GHR: variants seen among roughly 807,000 people sequenced by gnomAD.
GHR encodes GH receptor.
In GHR, 35 loss-of-function variants were observed where a neutral mutation model predicts 67.1. The observed-to-expected ratio is 0.52, with a 90% CI of 0.40 to 0.69. The LOEUF (loss-of-function observed/expected upper bound fraction) is 0.69. Ranked by LOEUF, GHR falls within the 30% of genes least tolerant of loss-of-function variation. The pLI, the probability that GHR is intolerant of heterozygous loss-of-function variation, is 0.00. For synonymous variants in GHR, 272 were observed against 269.1 expected, an observed-to-expected ratio of 1.01 and a Z score of -0.10; for missense variants, 792 against 764.6, an observed-to-expected ratio of 1.04 and a Z score of -0.42.
At chr5:42,572,576 G>A (rs567837746) in intron 2 of GHR, among the ~76,000 whole-genome samples, 44 of 152,304 alleles carry the variant, frequency 2.9e-4, no homozygotes, top group African/African-American at 1.1e-3. Flanking sequence ...CAGACCAGGA[G>A]GCCTTGGGGC....
chr5:42,554,325 C>G (rs1196113703), intron 1 of GHR, among the ~76,000 whole-genome samples: 2 of 151,012 alleles, frequency 1.3e-5, no homozygotes, highest in Non-Finnish European at 2.9e-5. Flanking sequence ...TAGTAACAGA[C>G]AGAAGTTCTG....
intron 1 of GHR, among the ~76,000 whole-genome samples, chr5:42,504,063 C>T (rs964031168): frequency 6.6e-6 from 1 of 152,080 alleles, no homozygotes; most frequent in Non-Finnish European, 1.5e-5. Context: ...AAGTGTCAGA[C>T]CCATAGCCCT....
At chr5:42,661,093 A>G (rs969170332) in intron 3 of GHR, among the ~76,000 whole-genome samples, 7 of 152,230 alleles carry the variant, frequency 4.6e-5, no homozygotes, top group African/African-American at 1.7e-4. Context: ...TCCAAGAAAT[A>G]TGGGACTATG....
intron 2 of GHR, among the ~76,000 whole-genome samples, chr5:42,602,286 C>G (rs527818750): frequency 6.6e-6 from 1 of 152,138 alleles, no homozygotes; most frequent in African/African-American, 2.4e-5. Flanking sequence ...TCCTTCATAA[C>G]TGCTACTTTG....
intron 1 of GHR, among the ~76,000 whole-genome samples, chr5:42,437,983 A>G (rs888903084): frequency 1.3e-5 from 2 of 152,172 alleles, no homozygotes; most frequent in Admixed American, 1.3e-4. Context: ...CTAGAGAAAA[A>G]AAAATCGCAT....
chr5:42,494,680 TC>T (rs1746248049), intron 1 of GHR, among the ~76,000 whole-genome samples: 1 of 152,142 alleles, frequency 6.6e-6, no homozygotes. Flanking sequence ...AAAGTGTACT[TC>T]CTGAATACAT....
chr5:42,683,389 A>G (rs1393436050), intron 3 of GHR, among the ~76,000 whole-genome samples: 1 of 152,196 alleles, frequency 6.6e-6, no homozygotes, highest in African/African-American at 2.4e-5. Context: ...TATGGTTCTC[A>G]CCACACAGCA....
chr5:42,651,820 C>T (rs1415164406), intron 3 of GHR, among the ~76,000 whole-genome samples: 7 of 152,072 alleles, frequency 4.6e-5, no homozygotes, highest in Admixed American at 4.6e-4. Context: ...ATTCACCTCA[C>T]TCTCGAGTTA....
chr5:42,583,524 G>A (rs1289205771), intron 2 of GHR, among the ~76,000 whole-genome samples: 1 of 152,136 alleles, frequency 6.6e-6, no homozygotes, highest in African/African-American at 2.4e-5. Flanking sequence ...GTTTGAGCTG[G>A]CCAGTTCACA....
chr5:42,437,624 T>C (rs913313675), intron 1 of GHR, among the ~76,000 whole-genome samples: 8 of 151,926 alleles, frequency 5.3e-5, no homozygotes, highest in Non-Finnish European at 1.2e-4. Context: ...CTTGGCTCAC[T>C]GCAACCTCTG....
chr5:42,582,592 A>G (rs1274383011), intron 2 of GHR, among the ~76,000 whole-genome samples: 1 of 152,218 alleles, frequency 6.6e-6, no homozygotes, highest in Non-Finnish European at 1.5e-5. Context: ...CCCACTTAAT[A>G]GCAGGACTGA....
At chr5:42,620,762 G>A (rs563853960) in intron 2 of GHR, among the ~76,000 whole-genome samples, 3 of 152,246 alleles carry the variant, frequency 2.0e-5, no homozygotes, top group South Asian at 2.1e-4. Context: ...GCTCCAGCAC[G>A]CTACCTATGA....
At chr5:42,547,294 C>G (rs1025656590) in intron 1 of GHR, among the ~76,000 whole-genome samples, 1 of 152,166 alleles carries the variant, frequency 6.6e-6, no homozygotes, top group African/African-American at 2.4e-5. Context: ...AGTCATAAAT[C>G]ATGAACGGTC....
chr5:42,524,745 G>T (rs1405780896), intron 1 of GHR, among the ~76,000 whole-genome samples: 2 of 152,166 alleles, frequency 1.3e-5, no homozygotes, highest in Admixed American at 6.5e-5. Context: ...CAGGCCCAGG[G>T]TCCCTGTGCT....
At chr5:42,556,013 ACTC>A (rs1293274314) in intron 1 of GHR, among the ~76,000 whole-genome samples, 2 of 151,572 alleles carry the variant, frequency 1.3e-5, no homozygotes. Context: ...GGGATTGCTG[ACTC>A]CTCCTCTAGT....
At chr5:42,535,179 C>T (rs1016219982) in intron 1 of GHR, among the ~76,000 whole-genome samples, 1 of 151,986 alleles carries the variant, frequency 6.6e-6, no homozygotes, top group Non-Finnish European at 1.5e-5. Context: ...AACTATTTAT[C>T]TTTTGTTTTT....
At chr5:42,454,629 C>A (rs956612309) in intron 1 of GHR, among the ~76,000 whole-genome samples, 3 of 152,124 alleles carry the variant, frequency 2.0e-5, no homozygotes, top group African/African-American at 7.2e-5. Context: ...GAATAGTTCA[C>A]CAGGGAAGTG....
intron 1 of GHR, among the ~76,000 whole-genome samples, chr5:42,487,105 A>G (rs1395887843): frequency 6.6e-6 from 1 of 152,186 alleles, no homozygotes; most frequent in African/African-American, 2.4e-5. Flanking sequence ...AGTAGGGAGA[A>G]CTGCTGTACT....
At chr5:42,474,739 C>T (rs1423494413) in intron 1 of GHR, among the ~76,000 whole-genome samples, 2 of 152,056 alleles carry the variant, frequency 1.3e-5, no homozygotes, top group African/African-American at 4.8e-5. Flanking sequence ...ACAAGACAAT[C>T]AAAGAGGAAT....
Sources: allele counts gnomAD v4.1 joint callset (sites outside exome capture counted in the v4.1 genomes callset), GRCh38; gene constraint gnomAD v4.1.1; transcripts MANE v1.5; gene names NCBI Gene and HGNC (gene_info 2026-07-23, HGNC 2026-07-21).